CAB39: variants seen among roughly 807,000 people sequenced by gnomAD.
CAB39 encodes the protein calcium binding protein 39.
CAB39 carries 8 observed loss-of-function variants against 40.0 expected under a neutral mutation model. That is an observed-to-expected ratio of 0.20 (90% CI 0.12 to 0.36). The LOEUF (loss-of-function observed/expected upper bound fraction) is 0.36, where lower values mean the gene tolerates loss of function less well. CAB39 is among the 10% of genes least tolerant of loss of function. The pLI is 1.00. For synonymous variants in CAB39, 156 were observed against 141.6 expected (o/e 1.10, Z -0.72); for missense variants, 270 against 401.1 (o/e 0.67, Z 2.79).
intron 1 of CAB39, among the ~76,000 whole-genome samples, chr2:230,756,499 A>T (rs558068427): frequency 3.6e-4 from 55 of 152,160 alleles, no homozygotes; most frequent in Non-Finnish European, 6.3e-4. Flanking sequence ...ATAAGAAACA[A>T]ATTCTGTAAT....
In CAB39 at chr2:230,746,107, AT is replaced by A. The variant is rs554175017; in HGVS notation, c.-43-13845del. Among the ~76,000 whole-genome samples the A allele has an allele frequency of 1.4e-4, 21 of 152,264 alleles. No homozygotes were observed. In the South Asian group the frequency reaches 4.1e-3, roughly 30 times the overall value. On this transcript the variant is annotated intron_variant, in intron 1 of 8. Coordinates refer to ENST00000258418, the MANE Select transcript of CAB39 (RefSeq NM_016289.4). ...TTAAAATTACATTTTTATGTTTTAT[AT>A]TTTTTTGTAATACTTGATTTATGTG...
intron 2 of CAB39, among the ~76,000 whole-genome samples, chr2:230,771,690 G>C (rs1461122411): frequency 6.6e-6 from 1 of 152,198 alleles, no homozygotes; most frequent in Non-Finnish European, 1.5e-5. Context: ...GGCTCACACT[G>C]TCTGATTTCT....
chr2:230,749,862 G>GA (rs1695055752), intron 1 of CAB39, among the ~76,000 whole-genome samples: 1 of 152,148 alleles, frequency 6.6e-6, no homozygotes, highest in African/African-American at 2.4e-5. Context: ...TGATACATAT[G>GA]AATATATTGA....
At chr2:230,789,261 TA>T (rs1248803160) in intron 2 of CAB39, among the ~76,000 whole-genome samples, 1 of 152,240 alleles carries the variant, frequency 6.6e-6, no homozygotes, top group Non-Finnish European at 1.5e-5. Context: ...CTTAACATGG[TA>T]CATGTTAGTG....
At chr2:230,739,092 AG>A in intron 1 of CAB39, among the ~76,000 whole-genome samples, 1 of 152,354 alleles carries the variant, frequency 6.6e-6, no homozygotes, top group South Asian at 2.1e-4. Context: ...ATAAAAGAGC[AG>A]GATTCACTGT....
chr2:230,753,505 A>G (rs957759453), intron 1 of CAB39, among the ~76,000 whole-genome samples: 2 of 152,196 alleles, frequency 1.3e-5, no homozygotes. Context: ...CTGTAATCCC[A>G]GCACTTTGGG....
chr2:230,778,882 G>A lies in CAB39; in HGVS notation c.115-11990G>A, dbSNP rs564781933. 5 of 152,160 alleles carry A rather than the reference G, an allele frequency of 3.3e-5. No homozygotes were observed. The East Asian group carries it at 9.7e-4, about 29-fold the overall frequency. The allele number at this position is 152,160 out of a possible 1,614,324, so 9.4% of individuals were successfully genotyped here. On this transcript the variant is annotated intron_variant, in intron 2 of 8. Transcript: ENST00000258418. ...ATTTGTTTATCTAAACATAGAAAAG[G>A]TACAGCAAAAATATGGTATTGTATC...
intron 1 of CAB39, among the ~76,000 whole-genome samples, chr2:230,714,652 T>C (rs1694317518): frequency 6.6e-6 from 1 of 152,216 alleles, no homozygotes; most frequent in Non-Finnish European, 1.5e-5. Flanking sequence ...TTTTAAAAAA[T>C]GGTTAGTAAT....
intron 2 of CAB39, among the ~76,000 whole-genome samples, chr2:230,769,418 G>C (rs1318988927): frequency 6.6e-6 from 1 of 152,114 alleles, no homozygotes; most frequent in Non-Finnish European, 1.5e-5. Context: ...TGACCTGATT[G>C]ACATTTATAG....
rs115985401 is a variant in CAB39, at chr2:230,810,578, T to C, written c.627+256T>C. Among the ~76,000 whole-genome samples the C allele has an allele frequency of 2.0e-3, 299 of 152,370 alleles. 1 individual carries two copies. In the South Asian group the frequency reaches 0.02, roughly 10 times the overall value. ...AAAATAGAGCATTTTGCTGCTAAAA[T>C]GATAGTAAAGATAGTAGGAAAATTA... On this transcript the variant is annotated intron_variant, in intron 6 of 8. Coordinates refer to ENST00000258418, the MANE Select transcript of CAB39 (RefSeq NM_016289.4).
rs544344615 is a variant in CAB39 at position 230,723,863 on chromosome 2, C to A, written c.-44+10633C>A. Among the ~76,000 whole-genome samples the A allele has an allele frequency of 3.7e-4, 57 of 152,278 alleles. 1 individual carries two copies. The highest frequency in any genetic ancestry group is 1.2e-3 in the African/African-American group (48 of 41,538). ...TGTTTCTCAGTTTGTTTCTTTTATT[C>A]CCCAGTTTGTCTTCAGTGTGACCTG... On this transcript the variant is annotated intron_variant, in intron 1 of 8. Transcript: ENST00000258418.
intron 1 of CAB39, chr2:230,752,040 C>G (rs994106429): frequency 3.0e-5 from 3 of 100,712 alleles, no homozygotes; most frequent in African/African-American, 6.9e-5. Flanking sequence ...CCCCCCCCCC[C>G]CCCACATACA....
chr2:230,762,045 C>T (rs970720303), intron 2 of CAB39, among the ~76,000 whole-genome samples: 2 of 151,984 alleles, frequency 1.3e-5, no homozygotes, highest in Non-Finnish European at 2.9e-5. Flanking sequence ...GTAGCTGGGA[C>T]TACAGGTGCG....
intron 2 of CAB39, among the ~76,000 whole-genome samples, chr2:230,761,076 A>G (rs940073875): frequency 4.3e-5 from 6 of 140,048 alleles, no homozygotes; most frequent in African/African-American, 1.7e-4. Flanking sequence ...TTTTTTTTTT[A>G]CTTTGGAATA....
intron 1 of CAB39, among the ~76,000 whole-genome samples, chr2:230,757,142 C>G (rs1695206958): frequency 6.6e-6 from 1 of 152,186 alleles, no homozygotes; most frequent in Admixed American, 6.5e-5. Flanking sequence ...GGGCCTTACT[C>G]TGTCACTCAG....
chr2:230,734,588 G>A (rs1575908481), intron 1 of CAB39, among the ~76,000 whole-genome samples: 4 of 152,254 alleles, frequency 2.6e-5, no homozygotes, highest in Admixed American at 6.5e-5. Flanking sequence ...GGAGTCTGTC[G>A]TCTTCCCCTC....
At chr2:230,765,298 ACTG>A (rs1444796042) in intron 2 of CAB39, among the ~76,000 whole-genome samples, 2 of 152,100 alleles carry the variant, frequency 1.3e-5, no homozygotes, top group Non-Finnish European at 2.9e-5. Context: ...GACTGCAATA[ACTG>A]CTATTAAAGT....
intron 4 of CAB39, 70 bp from the exon 5 acceptor site, chr2:230,798,659 A>G: frequency 1.5e-6 from 2 of 1,316,904 alleles, no homozygotes; most frequent in Non-Finnish European, 2.1e-6. Flanking sequence ...GAAAGTTTGA[A>G]CTGTTCAGTG....
rs139077222 is a variant in CAB39, at chr2:230,726,324, G to A, written c.-44+13094G>A. On this transcript the variant is annotated intron_variant, in intron 1 of 8. Transcript: ENST00000258418. ...ATTACAGGTGCATGCTACCATGCCCGGCTAATTTTTTGTATTTTTTTTTTT... is the reference window on the plus strand; with the variant it reads ...ATTACAGGTGCATGCTACCATGCCCAGCTAATTTTTTGTATTTTTTTTTTT... Among the ~76,000 whole-genome samples, 326 of 151,674 alleles carry A rather than the reference G, an allele frequency of 2.1e-3. 1 individual carries two copies. Among genetic ancestry groups the A allele is most frequent in the African/African-American group, 7.3e-3 (301 of 41,258 alleles).
Sources: gnomAD v4.1 joint callset for allele counts (sites outside exome capture counted in the v4.1 genomes callset) on GRCh38, gnomAD v4.1.1 for gene constraint, MANE v1.5 for transcripts, NCBI Gene and HGNC (gene_info 2026-07-23, HGNC 2026-07-21) for gene names.